The following SLC44A5 variants were observed in gnomAD, a reference collection of about 807,000 sequenced individuals.
The protein encoded by SLC44A5 is choline transporter-like protein 5.
SLC44A5 carries 57 observed loss-of-function variants against 101.8 expected under a neutral mutation model. That is an observed-to-expected ratio of 0.56 (90% CI 0.45 to 0.70). The LOEUF (loss-of-function observed/expected upper bound fraction) is 0.70, where lower values mean the gene tolerates loss of function less well. Among genes scored for constraint, SLC44A5 ranks in the 30% least tolerant of loss-of-function variants. SLC44A5 has a pLI of 0.00. For missense variants in SLC44A5, 737 were observed against 853.1 expected (o/e 0.86, Z 1.70); for synonymous variants, 281 against 290.9 (o/e 0.97, Z 0.35).
At chr1:75,487,408 A>C (rs534096108) in intron 2 of SLC44A5, among the ~76,000 whole-genome samples, 11 of 152,226 alleles carry the variant, frequency 7.2e-5, no homozygotes, top group Non-Finnish European at 1.2e-4. Context: ...AACCACATCT[A>C]TAGTAGCTCC....
the SLC44A5 span, among the ~76,000 whole-genome samples, chr1:75,712,860 C>T: frequency 1.3e-5 from 2 of 152,006 alleles, no homozygotes; most frequent in African/African-American, 4.8e-5. Flanking sequence ...TTGGCTCAAA[C>T]TCACCTTCTC....
At chr1:75,327,979 C>T (rs1383723941) in intron 4 of SLC44A5, among the ~76,000 whole-genome samples, 1 of 152,142 alleles carries the variant, frequency 6.6e-6, no homozygotes, top group African/African-American at 2.4e-5. Context: ...TCCCATAATG[C>T]GATGCTGCTA....
intron 22 of SLC44A5, among the ~76,000 whole-genome samples, chr1:75,212,084 T>C (rs1221058748): frequency 6.6e-6 from 1 of 152,182 alleles, no homozygotes; most frequent in Non-Finnish European, 1.5e-5. Flanking sequence ...CAAATTTTTG[T>C]ATCAAGCAAA....
chr1:75,632,678 C>T, the SLC44A5 span, among the ~76,000 whole-genome samples: 8 of 152,198 alleles, frequency 5.3e-5, no homozygotes, highest in Admixed American at 1.3e-4. Context: ...CACTTGTTCA[C>T]GCTCCAGAAA....
At chr1:75,470,947 T>A (rs1667073083) in intron 2 of SLC44A5, among the ~76,000 whole-genome samples, 1 of 152,084 alleles carries the variant, frequency 6.6e-6, no homozygotes, top group African/African-American at 2.4e-5. Context: ...GGTTTCTAAC[T>A]CCTCAATTAC....
At chr1:75,397,466 G>A (rs1662197815) in intron 2 of SLC44A5, among the ~76,000 whole-genome samples, 1 of 152,068 alleles carries the variant, frequency 6.6e-6, no homozygotes, top group South Asian at 2.1e-4. Flanking sequence ...GCAAATCATT[G>A]AGAGTCAGAG....
intron 3 of SLC44A5, among the ~76,000 whole-genome samples, chr1:75,353,406 C>T (rs549911205): frequency 4.1e-4 from 63 of 152,254 alleles, no homozygotes; most frequent in Non-Finnish European, 7.6e-4. Flanking sequence ...TTATTGTCAG[C>T]CATCCCTACT....
In SLC44A5 at chr1:75,207,151, C is replaced by T. The variant is rs138240267; in HGVS notation, c.2048-3318G>A. Among the ~76,000 whole-genome samples the T allele has an allele frequency of 3.9e-5, 6 of 152,154 alleles. No homozygotes were observed. In the East Asian group the frequency reaches 1.2e-3, roughly 29 times the overall value. On this transcript the variant is annotated intron_variant, in intron 23 of 23. Coordinates refer to ENST00000370859, the MANE Select transcript of SLC44A5 (RefSeq NM_001130058.2). ...TTTCAAGTCACTTCTAATGGTAGTC[C>T]ATACTCCGATGTTACAGACGAACAC...
chr1:75,492,056 T>C (rs1234813438), intron 2 of SLC44A5, among the ~76,000 whole-genome samples: 2 of 152,170 alleles, frequency 1.3e-5, no homozygotes, highest in Non-Finnish European at 2.9e-5. Context: ...ATGGGTATGT[T>C]ACCTGTTTTA....
chr1:75,400,617 C>G (rs2101431790), intron 2 of SLC44A5, among the ~76,000 whole-genome samples: 1 of 152,284 alleles, frequency 6.6e-6, no homozygotes, highest in Middle Eastern at 3.4e-3. Flanking sequence ...CAGCAGCTTT[C>G]CCTCACCCCC....
chr1:75,352,805 G>A (rs527968137), intron 3 of SLC44A5, among the ~76,000 whole-genome samples: 4 of 152,218 alleles, frequency 2.6e-5, no homozygotes, highest in South Asian at 2.1e-4. Flanking sequence ...TGGATAATAC[G>A]GTTCATGGCA....
chr1:75,654,649 G>A, the SLC44A5 span, among the ~76,000 whole-genome samples: 3,192 of 152,050 alleles, frequency 0.021, 117 homozygotes, highest in African/African-American at 0.072. Context: ...AACTAAACTC[G>A]CAGTTCTATT....
At chr1:75,233,509 G>T (rs1030105420) in intron 12 of SLC44A5, among the ~76,000 whole-genome samples, 3 of 152,078 alleles carry the variant, frequency 2.0e-5, no homozygotes, top group Non-Finnish European at 4.4e-5. Flanking sequence ...CGGAATACTT[G>T]CCTCTAGAGG....
At chr1:75,703,740 T>C in the SLC44A5 span, among the ~76,000 whole-genome samples, 1 of 152,096 alleles carries the variant, frequency 6.6e-6, no homozygotes, top group South Asian at 2.1e-4. Flanking sequence ...TGTTCAGATG[T>C]CCTCTGGAGG....
In SLC44A5 at chr1:75,367,544, G is replaced by C. The variant is rs114654108; in HGVS notation, c.53-27914C>G. 6.4e-3 allele frequency among the ~76,000 whole-genome samples: 972 copies of C among 152,302 alleles called. 9 individuals carry two copies. Among genetic ancestry groups the C allele is most frequent in the African/African-American group, 0.022 (924 of 41,558 alleles). ...GACTGCTCCTGGATCATGGCTCAGA[G>C]GACCTGGAGTTGGGTCACATACTGC... On this transcript the variant is annotated intron_variant, in intron 3 of 23. Transcript: ENST00000370859.
At chr1:75,317,521 A>G (rs1385257718) in intron 4 of SLC44A5, among the ~76,000 whole-genome samples, 1 of 152,252 alleles carries the variant, frequency 6.6e-6, no homozygotes, top group African/African-American at 2.4e-5. Context: ...ACAATTAAAG[A>G]CAGGTTCTTA....
At chr1:75,362,062 A>G (rs1659524663) in intron 3 of SLC44A5, among the ~76,000 whole-genome samples, 1 of 151,910 alleles carries the variant, frequency 6.6e-6, no homozygotes, top group Non-Finnish European at 1.5e-5. Context: ...CTAGGAATTT[A>G]TTTCTTTTAG....
chr1:75,263,665 A>G (rs1314194249), intron 6 of SLC44A5, among the ~76,000 whole-genome samples: 5 of 152,176 alleles, frequency 3.3e-5, no homozygotes, highest in Non-Finnish European at 7.3e-5. Context: ...ATTCTACTAT[A>G]AAGACACATA....
chr1:75,684,225 C>A, the SLC44A5 span, among the ~76,000 whole-genome samples: 2 of 152,150 alleles, frequency 1.3e-5, no homozygotes, highest in African/African-American at 4.8e-5. Context: ...CACCTGGCCC[C>A]ACCCTTGACA....
Sources: gnomAD v4.1 joint callset for allele counts (sites outside exome capture counted in the v4.1 genomes callset) on GRCh38, gnomAD v4.1.1 for gene constraint, MANE v1.5 for transcripts, NCBI Gene and HGNC (gene_info 2026-07-23, HGNC 2026-07-21) for gene names.